The following GCLM variants were observed in gnomAD, a reference collection of about 807,000 sequenced individuals.
The protein encoded by GCLM is glutamate--cysteine ligase regulatory subunit.
In GCLM, 15 loss-of-function variants were observed where a neutral mutation model predicts 36.0. The observed-to-expected ratio is 0.42, with a 90% CI of 0.28 to 0.64. The LOEUF is 0.64. Ranked by LOEUF, GCLM falls within the 30% of genes least tolerant of loss-of-function variation. The pLI, the probability that GCLM is intolerant of heterozygous loss-of-function variation, is 0.25. For synonymous variants in GCLM, 129 were observed against 122.8 expected (o/e 1.05, Z -0.34); for missense variants, 242 against 325.5 (o/e 0.74, Z 1.97).
rs954544236 is a variant in GCLM at position 93,896,998 on chromosome 1, G to C, written c.338-178C>G. Among the ~76,000 whole-genome samples, 7 of 152,126 alleles carry C rather than the reference G, an allele frequency of 4.6e-5. No homozygotes were observed. In the East Asian group the frequency reaches 7.7e-4, roughly 17 times the overall value. On this transcript the variant is annotated intron_variant, in intron 4 of 6. Transcript: ENST00000370238. ...ATTTCTATCTTTCAAAAATGTGTAAGTGCCCATTTACCTACTTGCTCTGTG... is the reference window on the plus strand; with the variant it reads ...ATTTCTATCTTTCAAAAATGTGTAACTGCCCATTTACCTACTTGCTCTGTG...
intron 2 of GCLM, among the ~76,000 whole-genome samples, chr1:93,903,287 C>CTTAT (rs200484311): frequency 3.3e-5 from 5 of 151,144 alleles, no homozygotes; most frequent in East Asian, 1.9e-4. Flanking sequence ...GCATTTTATT[C>CTTAT]TTATTTATTT....
At chr1:93,902,703 C>G (rs1557731859) in intron 2 of GCLM, among the ~76,000 whole-genome samples, 1 of 152,136 alleles carries the variant, frequency 6.6e-6, no homozygotes, top group Non-Finnish European at 1.5e-5. Flanking sequence ...TTAGGGTTTA[C>G]TCTTGGTGCT....
chr1:93,890,428 C>A (rs1170672121), intron 6 of GCLM, among the ~76,000 whole-genome samples: 1 of 151,884 alleles, frequency 6.6e-6, no homozygotes, highest in East Asian at 1.9e-4. Flanking sequence ...CAAAAAAAGC[C>A]ATATACACAT....
chr1:93,900,563 G>T (rs1403469902), intron 3 of GCLM, among the ~76,000 whole-genome samples: 4 of 152,122 alleles, frequency 2.6e-5, no homozygotes, highest in Non-Finnish European at 5.9e-5. Context: ...AAGTTATTTA[G>T]TATCACTAAT....
At chr1:93,895,963 CTT>C (rs577913729) in intron 5 of GCLM, among the ~76,000 whole-genome samples, 21,511 of 133,254 alleles carry the variant, frequency 0.16, 2,204 homozygotes, top group African/African-American at 0.34. Context: ...GTTTTTCTTT[CTT>C]TTTTTTTTTT....
chr1:93,899,256 T>G (rs1275929766), intron 3 of GCLM, among the ~76,000 whole-genome samples: 1 of 152,070 alleles, frequency 6.6e-6, no homozygotes, highest in Non-Finnish European at 1.5e-5. Context: ...GTATTTTTAG[T>G]AGAGACGGGG....
At chr1:93,892,975 T>A (rs1656589982) in intron 6 of GCLM, among the ~76,000 whole-genome samples, 1 of 152,216 alleles carries the variant, frequency 6.6e-6, no homozygotes. Context: ...TAAATCAGCA[T>A]AACAATTTGT....
intron 1 of GCLM, among the ~76,000 whole-genome samples, chr1:93,905,607 A>C (rs1407202069): frequency 4.7e-5 from 7 of 148,416 alleles, no homozygotes; most frequent in Non-Finnish European, 7.4e-5. Flanking sequence ...TTAGATAAAC[A>C]AAAAAAAATT....
rs1309081636 is a variant in GCLM, at chr1:93,887,960, T to C, written c.*1030A>G. On this transcript the variant is annotated 3_prime_UTR_variant, in exon 7 of 7. Coordinates refer to ENST00000370238, the MANE Select transcript of GCLM (RefSeq NM_002061.4). ...TTTTAGCTATAAACTTTCAATTATA[T>C]TATTCTGCTTTAAAATAATTAAGAC... 6.6e-6 allele frequency: 1 copy of C among 152,224 alleles called. No homozygotes were observed. Among genetic ancestry groups the C allele is most frequent in the African/African-American group, 2.4e-5 (1 of 41,448 alleles). The allele number at this position is 152,224 out of a possible 1,614,324, so 9.4% of individuals were successfully genotyped here.
In GCLM at chr1:93,909,367, G is replaced by T; in HGVS notation, c.-204C>A. 6 of 957,524 alleles carry T rather than the reference G, an allele frequency of 6.3e-6. No individual in the cohort carries two copies. Among genetic ancestry groups the T allele is most frequent in the Non-Finnish European group, 7.5e-6 (6 of 796,304 alleles). The allele number at this position is 957,524 out of a possible 1,614,324, so 59.3% of individuals were successfully genotyped here. ...GGCTGGGCGGCGGCGGGAAAGGAAGGCACCGGTGGCTGCGGCTCCGGCTCC... is the reference window on the plus strand; with the variant it reads ...GGCTGGGCGGCGGCGGGAAAGGAAGTCACCGGTGGCTGCGGCTCCGGCTCC... On this transcript the variant is annotated 5_prime_UTR_variant, in exon 1 of 7. Coordinates refer to ENST00000370238, the MANE Select transcript of GCLM (RefSeq NM_002061.4).
chr1:93,897,757 G>T, intron 4 of GCLM, 82 bp downstream of exon 4: 2 of 694,898 alleles, frequency 2.9e-6, no homozygotes, highest in Non-Finnish European at 2.4e-6. Context: ...CTTTTTACCT[G>T]GACCTAAGCA....
rs1406452987 is a variant in GCLM at position 93,901,567 on chromosome 1, G to A, written c.277+18C>T. 2 of 1,322,350 alleles carry A rather than the reference G, an allele frequency of 1.5e-6. No homozygotes were observed. Among genetic ancestry groups the A allele is most frequent in the Non-Finnish European group, 2.2e-6 (2 of 921,158 alleles). 81.9% of individuals were successfully genotyped at this position (1,322,350 alleles called of 1,614,324 possible). ...CTTCCGCTATGTAACAAAATAAACA[G>A]AAAAGACTGGACTTTACCAGAAACT... On this transcript the variant is annotated intron_variant, in intron 3 of 6. Coordinates refer to ENST00000370238, the MANE Select transcript of GCLM (RefSeq NM_002061.4).
intron 3 of GCLM, 71 bp from the exon 4 acceptor site, chr1:93,897,969 C>G: frequency 1.5e-6 from 1 of 659,762 alleles, no homozygotes. Flanking sequence ...AGTATTAACA[C>G]TACTATAATA....
Position 93,903,436 on chromosome 1 carries a change from G to A in GCLM, c.192+1087C>T, listed in dbSNP as rs562482359. On this transcript the variant is annotated intron_variant, in intron 2 of 6. Coordinates refer to ENST00000370238, the MANE Select transcript of GCLM (RefSeq NM_002061.4). ...AGTGATTCTCCTGCCTCAGCCTCCC[G>A]AGTAGCTGGGATTACAGGCGGGTAC... Among the ~76,000 whole-genome samples the A allele has an allele frequency of 4.3e-3, 654 of 150,924 alleles. 7 individuals carry two copies. The highest frequency in any genetic ancestry group is 0.015 in the African/African-American group (618 of 41,160).
chr1:93,896,302 T>C (rs1272478947), intron 5 of GCLM, among the ~76,000 whole-genome samples: 3 of 152,292 alleles, frequency 2.0e-5, no homozygotes, highest in African/African-American at 7.2e-5. Context: ...AGCACATAAG[T>C]AGAACTGAAG....
At chr1:93,894,575 G>T in intron 6 of GCLM, 39 bp downstream of exon 6, 1 of 1,055,824 alleles carries the variant, frequency 9.5e-7, no homozygotes, top group Non-Finnish European at 1.5e-6. Context: ...TAAGACAAAA[G>T]CTTATGATCA....
chr1:93,896,844 A>G, intron 4 of GCLM, 24 bp from the exon 5 acceptor site: 1 of 1,307,134 alleles, frequency 7.7e-7, no homozygotes, highest in South Asian at 1.2e-5. Flanking sequence ...AGACACAAAG[A>G]AAATAAATGC....
chr1:93,894,636 C>T lies in GCLM; in HGVS notation c.633G>A (p.Leu211=). 1 of 1,588,926 alleles carries T rather than the reference C, an allele frequency of 6.3e-7. No individual in the cohort carries two copies. Among genetic ancestry groups the T allele is most frequent in the East Asian group, 2.2e-5 (1 of 44,646 alleles). Residue 211 remains leucine, a synonymous_variant, in exon 6 of 7, where the codon CTG becomes CTA. Coordinates refer to ENST00000370238, the MANE Select transcript of GCLM (RefSeq NM_002061.4). ...TACCTTTTGGATCATTGTGAGTCAA[C>T]AGCTGTATGTCAAATTGTTTAGCAA... ...TAFAKQFDIQ[L]LTHNDPKELL...
intron 3 of GCLM, among the ~76,000 whole-genome samples, chr1:93,899,469 T>C (rs569880722): frequency 6.6e-6 from 1 of 152,364 alleles, no homozygotes; most frequent in African/African-American, 2.4e-5. Flanking sequence ...ACATTTAGGT[T>C]AGTAAATGTT....
Sources: gnomAD v4.1 joint callset for allele counts (sites outside exome capture counted in the v4.1 genomes callset) on GRCh38, gnomAD v4.1.1 for gene constraint, MANE v1.5 for transcripts, NCBI Gene and HGNC (gene_info 2026-07-23, HGNC 2026-07-21) for gene names.